Variants in LAMA3 observed in about 807,000 individuals in gnomAD.
The protein encoded by LAMA3 is laminin subunit alpha-3.
A neutral mutation model predicts 402.0 loss-of-function variants in LAMA3; 281 were observed. That is an observed-to-expected ratio of 0.70 (90% CI 0.63 to 0.77). LAMA3 has a LOEUF of 0.77. Ranked by LOEUF, LAMA3 falls within the 30% of genes least tolerant of loss-of-function variation. The pLI, the probability that LAMA3 is intolerant of heterozygous loss-of-function variation, is 0.00. For synonymous variants in LAMA3, 1,431 were observed against 1,558.4 expected (o/e 0.92, Z 1.93); for missense variants, 3,840 against 4,215.5 (o/e 0.91, Z 2.47).
chr18:23,852,309 A>G (rs2063964302), intron 32 of LAMA3, among the ~76,000 whole-genome samples: 1 of 152,274 alleles, frequency 6.6e-6, no homozygotes, highest in African/African-American at 2.4e-5. Flanking sequence ...ACATGGTACT[A>G]TTAGTCTGTG....
intron 1 of LAMA3, among the ~76,000 whole-genome samples, chr18:23,696,093 C>T (rs1387461312): frequency 2.6e-5 from 4 of 152,132 alleles, no homozygotes; most frequent in Non-Finnish European, 5.9e-5. Flanking sequence ...ATTGGCTCTG[C>T]AGAGACTAAA....
chr18:23,816,610 G>A lies in LAMA3; in HGVS notation c.2147+123G>A, dbSNP rs186798912. ...CTAAAGATCGAGGTCAGGGGAAGCT[G>A]TCCTATGTCAATTGAAATCTGGACA... On this transcript the variant is annotated intron_variant, in intron 18 of 74. Coordinates refer to ENST00000313654, the MANE Select transcript of LAMA3 (RefSeq NM_198129.4). The A allele has an allele frequency of 2.5e-4, 193 of 776,092 alleles. No individual in the cohort carries two copies. The African/African-American group carries it at 2.8e-3, about 11-fold the overall frequency. 48.1% of individuals were successfully genotyped at this position (776,092 alleles called of 1,614,324 possible). A position where few individuals can be genotyped will look rare whatever the true frequency, so the allele number is the denominator to read the frequency against.
chr18:23,898,667 C>A (rs572241071), intron 44 of LAMA3, 71 bp from the exon 45 acceptor site: 5 of 857,748 alleles, frequency 5.8e-6, no homozygotes, highest in South Asian at 5.3e-5. Flanking sequence ...TCATTTATAA[C>A]CCTGTTGACC....
intron 8 of LAMA3, among the ~76,000 whole-genome samples, chr18:23,766,060 G>A (rs1391937511): frequency 6.6e-6 from 1 of 152,058 alleles, no homozygotes; most frequent in African/African-American, 2.4e-5. Flanking sequence ...AGAAATAATA[G>A]TAGGAAATAC....
At chr18:23,690,129 C>T (rs2060553208) in intron 1 of LAMA3, 152 bp downstream of exon 1, 2 of 633,644 alleles carry the variant, frequency 3.2e-6, no homozygotes, top group Non-Finnish European at 5.0e-6. Context: ...CGAGGGCCCA[C>T]GACCCAGGAG....
intron 11 of LAMA3, chr18:23,781,179 C>G: frequency 2.7e-6 from 1 of 374,280 alleles, no homozygotes; most frequent in Admixed American, 3.2e-5. Context: ...CTCAATACTT[C>G]GTTTAACGCC....
At chr18:23,776,633 G>A (rs2062325402) in intron 10 of LAMA3, among the ~76,000 whole-genome samples, 1 of 152,102 alleles carries the variant, frequency 6.6e-6, no homozygotes, top group South Asian at 2.1e-4. Flanking sequence ...GCCATCATAG[G>A]AAAAGCATAT....
intron 13 of LAMA3, 84 bp downstream of exon 13, chr18:23,810,587 C>T: frequency 6.7e-7 from 1 of 1,502,286 alleles, no homozygotes; most frequent in African/African-American, 1.4e-5. Flanking sequence ...TGCAAATCCC[C>T]CACAGACTCA....
In LAMA3 at chr18:23,749,422, T is replaced by G. The variant is rs747023336; in HGVS notation, c.566-6T>G. 1 of 1,423,392 alleles carries G rather than the reference T, an allele frequency of 7.0e-7. No individual in the cohort carries two copies. The highest frequency in any genetic ancestry group is 9.9e-7 in the Non-Finnish European group (1 of 1,014,618). 88.2% of individuals were successfully genotyped at this position (1,423,392 alleles called of 1,614,324 possible). A position where few individuals can be genotyped will look rare whatever the true frequency, so the allele number is the denominator to read the frequency against. ...GTTTTATAATATTAAAATATTTTCCTTCTAGATTCTAAAGTAGACTGTTTA... is the reference window on the plus strand; with the variant it reads ...GTTTTATAATATTAAAATATTTTCCGTCTAGATTCTAAAGTAGACTGTTTA... On this transcript the variant is annotated splice_region_variant and splice_polypyrimidine_tract_variant and intron_variant, in intron 3 of 74. Transcript: ENST00000313654.
intron 27 of LAMA3, among the ~76,000 whole-genome samples, chr18:23,842,142 C>T (rs896260464): frequency 6.6e-6 from 1 of 152,074 alleles, no homozygotes; most frequent in Admixed American, 6.5e-5. Flanking sequence ...ATGATTGTAC[C>T]ACAGTTTGTT....
At chr18:23,849,261 C>T (rs954304302) in intron 32 of LAMA3, among the ~76,000 whole-genome samples, 3 of 152,214 alleles carry the variant, frequency 2.0e-5, no homozygotes, top group Admixed American at 2.0e-4. Context: ...CTCCCAACTC[C>T]TTGATAATAC....
In LAMA3 at chr18:23,912,872, A is replaced by C; in HGVS notation, c.7320A>C (p.Gly2440=). Residue 2440 remains glycine (G), a synonymous_variant, in exon 56 of 75, where the codon GGA becomes GGC. Transcript: ENST00000313654. The part of the protein sequence containing the change: ...GTENMFVMYL[G]NKDASRDYIG... ...AGAATATGTTTGTGATGTACCTTGG[A>C]AATAAAGATGTAAGTATTGCTTGGA... The C allele has an allele frequency of 6.2e-7, 1 of 1,613,716 alleles. No individual in the cohort carries two copies. The highest frequency in any genetic ancestry group is 8.5e-7 in the Non-Finnish European group (1 of 1,179,734).
At position 23,933,869 on chromosome 18, in the gene LAMA3, A is replaced by G; in HGVS notation, c.8796A>G (p.Pro2932=). 1 of 1,614,094 alleles carries G rather than the reference A, an allele frequency of 6.2e-7. No homozygotes were observed. Among genetic ancestry groups the G allele is most frequent in the Non-Finnish European group, 8.5e-7 (1 of 1,179,968 alleles). ...VSLGGCSLNK[P]PFLMLLKGST... ...TGGGAGGCTGCAGTTTAAACAAACC[A>G]CCTTTTCTAATGTTGCTTAAAGGTT... Residue 2932 remains proline, a synonymous_variant, in exon 67 of 75, where the codon CCA becomes CCG. Coordinates refer to ENST00000313654, the MANE Select transcript of LAMA3 (RefSeq NM_198129.4).
At position 23,842,384 on chromosome 18, in the gene LAMA3, T is replaced by C; in HGVS notation, c.3337-11T>C. ...TTTTTAATTTTTTTTCCTCCTCTTT[T>C]TTCCTCTTAGAATCAAGTGACCCTG... On this transcript the variant is annotated splice_polypyrimidine_tract_variant and intron_variant, in intron 27 of 74. Transcript: ENST00000313654. 1 of 1,614,202 alleles carries C rather than the reference T, an allele frequency of 6.2e-7. No homozygotes were observed. Among genetic ancestry groups the C allele is most frequent in the Non-Finnish European group, 8.5e-7 (1 of 1,180,016 alleles).
chr18:23,792,086 A>G (rs1752531506), intron 12 of LAMA3, among the ~76,000 whole-genome samples: 1 of 152,068 alleles, frequency 6.6e-6, no homozygotes, highest in Non-Finnish European at 1.5e-5. Context: ...ATGTTAGGAG[A>G]GTGGAGGAGA....
Position 23,912,885 on chromosome 18 carries a change from A to C in LAMA3, c.7329+4A>C, listed in dbSNP as rs1483356776. On this transcript the variant is annotated splice_donor_region_variant and intron_variant, in intron 56 of 74. Coordinates refer to ENST00000313654, the MANE Select transcript of LAMA3 (RefSeq NM_198129.4). ...GATGTACCTTGGAAATAAAGATGTA[A>C]GTATTGCTTGGACATCTCTCTTGTT... 3 of 1,612,042 alleles carry C rather than the reference A, an allele frequency of 1.9e-6. No homozygotes were observed. Among genetic ancestry groups the C allele is most frequent in the Non-Finnish European group, 2.5e-6 (3 of 1,178,526 alleles).
chr18:23,690,956 A>C (rs2060577198), intron 1 of LAMA3, among the ~76,000 whole-genome samples: 1 of 151,246 alleles, frequency 6.6e-6, no homozygotes, highest in Non-Finnish European at 1.5e-5. Flanking sequence ...ATTTTGCCCA[A>C]GCTGGTCTCA....
At chr18:23,921,664 A>G in intron 62 of LAMA3, 79 bp downstream of exon 62, 1 of 1,395,744 alleles carries the variant, frequency 7.2e-7, no homozygotes, top group Non-Finnish European at 1.0e-6. Context: ...CTGGTCTGCC[A>G]TTTTTAATTC....
intron 69 of LAMA3, 119 bp downstream of exon 69, chr18:23,944,090 G>A (rs2082622862): frequency 1.0e-6 from 1 of 972,984 alleles, no homozygotes; most frequent in Non-Finnish European, 1.6e-6. Context: ...GAGAGCTTGT[G>A]TGCTTGCAGG....
Sources: gnomAD v4.1 joint callset for allele counts (sites outside exome capture counted in the v4.1 genomes callset) on GRCh38, gnomAD v4.1.1 for gene constraint, MANE v1.5 for transcripts, NCBI Gene and HGNC (gene_info 2026-07-23, HGNC 2026-07-21) for gene names.